The following DESI2 variants were observed in gnomAD, a reference collection of about 807,000 sequenced individuals.
The protein encoded by DESI2 is desumoylating isopeptidase 2, also known as deubiquitinase DESI2.
A neutral mutation model predicts 24.1 loss-of-function variants in DESI2; 10 were observed. That is an observed-to-expected ratio of 0.41 (90% CI 0.26 to 0.70). The LOEUF is 0.70. DESI2 is among the 30% of genes least tolerant of loss of function. The probability of loss-of-function intolerance (pLI) is 0.29; values close to 1 mark genes in which losing one functional copy is unlikely to be tolerated. For synonymous variants in DESI2, 71 were observed against 87.7 expected (o/e 0.81, Z 1.06); for missense variants, 122 against 234.9 (o/e 0.52, Z 3.14).
chr1:244,653,635 C>T, intron 1 of DESI2: 1 of 519,360 alleles, frequency 1.9e-6, no homozygotes. Context: ...GGCTCTGGGC[C>T]CGACCCCTTG....
intron 1 of DESI2, among the ~76,000 whole-genome samples, chr1:244,665,276 G>A (rs1243456658): frequency 1.3e-5 from 2 of 152,004 alleles, no homozygotes; most frequent in Non-Finnish European, 2.9e-5. Context: ...CAAGCTCAGA[G>A]TCACGCCATA....
chr1:244,675,351 G>A (rs896230636), intron 1 of DESI2, among the ~76,000 whole-genome samples: 1 of 152,028 alleles, frequency 6.6e-6, no homozygotes, highest in African/African-American at 2.4e-5. Context: ...TCATATCTAT[G>A]AAGCCATTGC....
chr1:244,655,196 C>T (rs965535111), intron 1 of DESI2, among the ~76,000 whole-genome samples: 1 of 152,148 alleles, frequency 6.6e-6, no homozygotes, highest in Admixed American at 6.5e-5. Flanking sequence ...TTCTTCACAT[C>T]AAGTTTGTAA....
At chr1:244,696,218 TAAAC>T (rs1341974298) in intron 4 of DESI2, among the ~76,000 whole-genome samples, 2 of 152,250 alleles carry the variant, frequency 1.3e-5, no homozygotes, top group Non-Finnish European at 2.9e-5. Flanking sequence ...ATTATCCAAA[TAAAC>T]AACGTTCAGA....
At chr1:244,683,813 C>T (rs904059342) in intron 1 of DESI2, among the ~76,000 whole-genome samples, 8 of 151,428 alleles carry the variant, frequency 5.3e-5, no homozygotes, top group South Asian at 4.2e-4. Flanking sequence ...CTCAAACTCC[C>T]GGGCTCAGTT....
intron 1 of DESI2, among the ~76,000 whole-genome samples, chr1:244,673,897 A>G (rs190130811): frequency 5.9e-5 from 9 of 152,070 alleles, no homozygotes; most frequent in African/African-American, 2.2e-4. Context: ...CAAGGCATGT[A>G]CAGAAGAGTT....
At position 244,689,508 on chromosome 1, in the gene DESI2, T is replaced by C. The variant is rs1383026869; in HGVS notation, c.209+166T>C. ...ACTCAAGTTTGCCTCAGGAAACTCA[T>C]TTCTTTTCCTTTTTTTTTTGAGATG... On this transcript the variant is annotated intron_variant, in intron 3 of 4. Transcript: ENST00000302550. This position sits in a 1 kb window ranked among gnomAD's most constrained non-coding sequence, Gnocchi z 4.0. Among the ~76,000 whole-genome samples the C allele has an allele frequency of 7.0e-6, 1 of 142,492 alleles. No individual in the cohort carries two copies. The highest frequency in any genetic ancestry group is 1.5e-5 in the Non-Finnish European group (1 of 65,704). The allele number at this position is 142,492 out of a possible 152,430, so 93.5% of individuals were successfully genotyped here.
At chr1:244,662,087 T>G (rs1420560407) in intron 1 of DESI2, among the ~76,000 whole-genome samples, 2 of 152,240 alleles carry the variant, frequency 1.3e-5, no homozygotes, top group African/African-American at 4.8e-5. Flanking sequence ...CCTGACTTCT[T>G]AATGATCGCC....
At chr1:244,694,577 G>A in intron 4 of DESI2, 1 of 802,544 alleles carries the variant, frequency 1.2e-6, no homozygotes, top group Non-Finnish European at 2.2e-6. Flanking sequence ...CCTTGGCACT[G>A]CCGTTATACT....
At chr1:244,659,135 A>G (rs1276403605) in intron 1 of DESI2, among the ~76,000 whole-genome samples, 1 of 146,426 alleles carries the variant, frequency 6.8e-6, no homozygotes, top group Non-Finnish European at 1.5e-5. Context: ...GCAAAAGGAC[A>G]GTTGTACATC....
intron 4 of DESI2, chr1:244,694,477 G>A: frequency 1.3e-6 from 1 of 790,638 alleles, no homozygotes; most frequent in Non-Finnish European, 2.3e-6. Flanking sequence ...GGTTTAGGTG[G>A]TGTTCCTTCA....
chr1:244,655,667 G>C (rs1675621697), intron 1 of DESI2, among the ~76,000 whole-genome samples: 1 of 152,202 alleles, frequency 6.6e-6, no homozygotes, highest in South Asian at 2.1e-4. Flanking sequence ...TGTAGTTGTA[G>C]GATCAGGGAA....
At chr1:244,690,662 G>A (rs549086462) in intron 3 of DESI2, among the ~76,000 whole-genome samples, 3 of 149,742 alleles carry the variant, frequency 2.0e-5, no homozygotes, top group South Asian at 2.1e-4. Flanking sequence ...CTGAGGTCGC[G>A]CCATTGCACT....
At chr1:244,684,359 T>C (rs961741931) in intron 1 of DESI2, among the ~76,000 whole-genome samples, 7 of 152,192 alleles carry the variant, frequency 4.6e-5, no homozygotes, top group Non-Finnish European at 8.8e-5. Flanking sequence ...ACTCCCACCC[T>C]AGCCACGTGT....
chr1:244,702,584 T>C (rs1467140575), intron 4 of DESI2, among the ~76,000 whole-genome samples: 10 of 152,328 alleles, frequency 6.6e-5, no homozygotes, highest in African/African-American at 2.4e-4. Context: ...AAGAGCCAGA[T>C]AATAAATATT....
Position 244,674,139 on chromosome 1 carries a change from C to T in DESI2, c.43-12458C>T, listed in dbSNP as rs187449634. Reference sequence around the variant, plus strand: ...CCTCCCAAGTAGCTGGAACTACAGGCGTCCGCCACCACGCCCAGCTAATTT... The same window carrying T: ...CCTCCCAAGTAGCTGGAACTACAGGTGTCCGCCACCACGCCCAGCTAATTT... On this transcript the variant is annotated intron_variant, in intron 1 of 4. Coordinates refer to ENST00000302550, the MANE Select transcript of DESI2 (RefSeq NM_016076.5). 2.3e-4 allele frequency among the ~76,000 whole-genome samples: 35 copies of T among 151,982 alleles called. No homozygotes were observed. In the East Asian group the frequency reaches 5.6e-3, roughly 24 times the overall value.
chr1:244,673,281 C>A (rs1324232332), intron 1 of DESI2, among the ~76,000 whole-genome samples: 5 of 152,164 alleles, frequency 3.3e-5, no homozygotes, highest in African/African-American at 1.2e-4. Flanking sequence ...CCAACTCTCC[C>A]TGGAAGGGCT....
intron 1 of DESI2, among the ~76,000 whole-genome samples, chr1:244,665,731 A>G (rs1194038265): frequency 6.6e-6 from 1 of 152,250 alleles, no homozygotes; most frequent in Non-Finnish European, 1.5e-5. Flanking sequence ...CCAAGGAAGA[A>G]CGAATTTTGG....
At chr1:244,673,239 C>T (rs1173749813) in intron 1 of DESI2, among the ~76,000 whole-genome samples, 12 of 152,148 alleles carry the variant, frequency 7.9e-5, no homozygotes, top group African/African-American at 2.9e-4. Context: ...CTAACAGGAG[C>T]AGAAGCATTT....
Sources: gnomAD v4.1 joint callset for allele counts (sites outside exome capture counted in the v4.1 genomes callset) on GRCh38, gnomAD v4.1.1 for gene constraint, Gnocchi (gnomAD v3.1) non-coding constraint, MANE v1.5 for transcripts, NCBI Gene and HGNC (gene_info 2026-07-23, HGNC 2026-07-21) for gene names.